Variants in STK3 observed in about 807,000 individuals in gnomAD.
STK3 encodes serine/threonine kinase 3.
STK3 carries 41 observed loss-of-function variants against 58.0 expected under a neutral mutation model. The ratio of observed to expected loss-of-function variants is 0.71; its 90% confidence interval spans 0.55 to 0.92. STK3 has a LOEUF of 0.92. Among genes scored for constraint, STK3 ranks in the 40% least tolerant of loss-of-function variants. The probability of loss-of-function intolerance (pLI) is 0.00; values close to 1 mark genes in which losing one functional copy is unlikely to be tolerated. For missense variants in STK3, 479 were observed against 602.7 expected, an observed-to-expected ratio of 0.79 and a Z score of 2.15; for synonymous variants, 170 against 191.0, an observed-to-expected ratio of 0.89 and a Z score of 0.91.
the STK3 span, among the ~76,000 whole-genome samples, chr8:98,350,634 G>T: frequency 3.9e-5 from 6 of 152,234 alleles, no homozygotes; most frequent in Admixed American, 3.3e-4. Flanking sequence ...GGATGAGGAG[G>T]CCTCACAATC....
At chr8:98,404,451 C>A (rs893876443) in intron 3 of STK3, among the ~76,000 whole-genome samples, 1 of 152,042 alleles carries the variant, frequency 6.6e-6, no homozygotes, top group Non-Finnish European at 1.5e-5. Context: ...GAGGCCGAGA[C>A]GGGTGGATCA....
At position 98,581,146 on chromosome 8, in the gene STK3, G is replaced by A. The variant is rs537494624; in HGVS notation, c.823-1357C>T. Reference sequence around the variant, plus strand: ...TGGTTATATGCGACTAAGTGAATGCGGGAGCAAATACTGTGTTCCACTTCC... The same window carrying A: ...TGGTTATATGCGACTAAGTGAATGCAGGAGCAAATACTGTGTTCCACTTCC... On this transcript the variant is annotated intron_variant, in intron 7 of 10. Coordinates refer to ENST00000419617, the MANE Select transcript of STK3 (RefSeq NM_006281.4). Among the ~76,000 whole-genome samples, 19 of 152,266 alleles carry A rather than the reference G, an allele frequency of 1.2e-4. No individual in the cohort carries two copies. The South Asian group carries it at 3.7e-3, about 30-fold the overall frequency.
At chr8:98,859,701 T>A (rs925090805) in intron 3 of STK3, among the ~76,000 whole-genome samples, 2 of 152,210 alleles carry the variant, frequency 1.3e-5, no homozygotes, top group East Asian at 3.8e-4. Flanking sequence ...GGCATGCTTT[T>A]CTACCCTGTG....
chr8:98,510,976 A>G (rs535466268), intron 10 of STK3, among the ~76,000 whole-genome samples: 1 of 152,266 alleles, frequency 6.6e-6, no homozygotes, highest in South Asian at 2.1e-4. Flanking sequence ...ACGAACATTA[A>G]AAACTAAAAA....
intron 4 of STK3, among the ~76,000 whole-genome samples, chr8:98,716,537 A>T (rs150129701): frequency 0.01 from 1,534 of 152,270 alleles, 10 homozygotes; most frequent in Non-Finnish European, 0.015. Flanking sequence ...TAGGACATTA[A>T]TAAATAAAAA....
intron 1 of STK3, among the ~76,000 whole-genome samples, chr8:98,785,450 T>C (rs746473607): frequency 6.6e-6 from 1 of 152,204 alleles, no homozygotes; most frequent in Non-Finnish European, 1.5e-5. Flanking sequence ...CTCTGGGTGC[T>C]TGGTGACTAC....
upstream of STK3, among the ~76,000 whole-genome samples, chr8:98,388,472 T>C (rs986979027): frequency 1.3e-5 from 2 of 152,220 alleles, no homozygotes; most frequent in Non-Finnish European, 2.9e-5. Context: ...TCTAATGCGA[T>C]GTATTTGGCA....
At chr8:98,566,242 G>A (rs757055547) in intron 8 of STK3, among the ~76,000 whole-genome samples, 3 of 152,016 alleles carry the variant, frequency 2.0e-5, no homozygotes, top group African/African-American at 4.8e-5. Flanking sequence ...GGGCACAGGT[G>A]TATGCACTAA....
At chr8:98,547,771 A>T (rs1810826455) in intron 9 of STK3, among the ~76,000 whole-genome samples, 198 bp downstream of exon 9, 2 of 152,114 alleles carry the variant, frequency 1.3e-5, no homozygotes, top group Non-Finnish European at 2.9e-5. Flanking sequence ...TCTAAGTTGA[A>T]GATGTGTTGT....
chr8:98,386,564 C>T lies in STK3; in HGVS notation n.56+1628G>A, dbSNP rs375911926. 4.6e-5 allele frequency among the ~76,000 whole-genome samples: 7 copies of T among 151,938 alleles called. No individual in the cohort carries two copies. The East Asian group carries it at 5.8e-4, about 13-fold the overall frequency. The stretch of plus-strand genomic sequence containing the variant: ...ACATATTGGTTATATATTTTTTAAA[C>T]GCAGGATAACAAAAACTAATAGTGG... On this transcript the variant is annotated intron_variant and non_coding_transcript_variant, in intron 1 of 2. Coordinates refer to the STK3 transcript ENST00000518704.
At chr8:98,711,681 G>A (rs1476230551) in intron 4 of STK3, among the ~76,000 whole-genome samples, 2 of 152,206 alleles carry the variant, frequency 1.3e-5, no homozygotes, top group Non-Finnish European at 2.9e-5. Context: ...AAGTGATGGG[G>A]AGAATGAAAC....
rs141257695 is a variant in STK3 at position 98,492,506 on chromosome 8, T to G, written c.1317+34236A>C. On this transcript the variant is annotated intron_variant, in intron 10 of 10. Transcript: ENST00000419617. ...GCCTAAAAATCAAATGCAAATATGC[T>G]GAAGATAGTAATAATTTTAAAAAGG... 6.5e-3 allele frequency among the ~76,000 whole-genome samples: 993 copies of G among 152,248 alleles called. 9 individuals carry two copies. The highest frequency in any genetic ancestry group is 0.023 in the African/African-American group (962 of 41,546).
At chr8:98,855,307 G>A (rs1355337072) in intron 3 of STK3, among the ~76,000 whole-genome samples, 1 of 152,206 alleles carries the variant, frequency 6.6e-6, no homozygotes, top group African/African-American at 2.4e-5. Flanking sequence ...ACAGTGTGGT[G>A]CAGGCACAAG....
intron 10 of STK3, among the ~76,000 whole-genome samples, chr8:98,471,065 CAG>C (rs1340799801): frequency 6.6e-6 from 1 of 152,160 alleles, no homozygotes; most frequent in East Asian, 1.9e-4. Flanking sequence ...TTGACTGGCT[CAG>C]AGAGTTTATA....
intron 10 of STK3, among the ~76,000 whole-genome samples, chr8:98,458,114 TAC>T (rs34309401): frequency 0.5 from 74,445 of 150,092 alleles, 18,667 homozygotes; most frequent in African/African-American, 0.58. Context: ...CACACACATA[TAC>T]ACACACACAC....
chr8:98,820,984 A>T lies in STK3; in HGVS notation c.26+4531T>A, dbSNP rs563507191. On this transcript the variant is annotated intron_variant, in intron 1 of 10. Transcript: ENST00000419617. ...CAGAGCAAGATTCCACCTCAAAAAA[A>T]ATAATAAAATAATAAAATAAATCCA... 8.7e-3 allele frequency among the ~76,000 whole-genome samples: 1,319 copies of T among 152,218 alleles called. 11 individuals carry two copies. The highest frequency in any genetic ancestry group is 0.03 in the African/African-American group (1,242 of 41,532).
At chr8:98,649,191 C>G (rs1820667779) in intron 6 of STK3, among the ~76,000 whole-genome samples, 1 of 151,788 alleles carries the variant, frequency 6.6e-6, no homozygotes, top group African/African-American at 2.4e-5. Flanking sequence ...GTTTTTTATA[C>G]TGGATTGTCT....
At chr8:98,749,443 T>C in intron 3 of STK3, 53 bp from the exon 4 acceptor site, 1 of 1,049,270 alleles carries the variant, frequency 9.5e-7, no homozygotes, top group Non-Finnish European at 1.4e-6. Context: ...AAGAAATTTT[T>C]TTCTTAATCC....
intron 3 of STK3, among the ~76,000 whole-genome samples, chr8:98,867,841 G>GCCTAGGACAGTGCCAGGCCTATAATAGGT (rs1403706692): frequency 1.3e-5 from 2 of 152,184 alleles, no homozygotes; most frequent in African/African-American, 4.8e-5. Flanking sequence ...ACATGCCAGG[G>GCCTAGGACAGTGCCAGGCCTATAATAGGT]CCTAGGACAG....
Sources: gnomAD v4.1 joint callset for allele counts (sites outside exome capture counted in the v4.1 genomes callset) on GRCh38, gnomAD v4.1.1 for gene constraint, MANE v1.5 for transcripts, NCBI Gene and HGNC (gene_info 2026-07-23, HGNC 2026-07-21) for gene names.